ERC1: variants seen among roughly 807,000 people sequenced by gnomAD.
The protein encoded by ERC1 is RAB6 interacting protein 2.
ERC1 carries 56 observed loss-of-function variants against 132.0 expected under a neutral mutation model. That is an observed-to-expected ratio of 0.42 (90% CI 0.34 to 0.53). The LOEUF (loss-of-function observed/expected upper bound fraction) is 0.53, where lower values mean the gene tolerates loss of function less well. ERC1 is among the 20% of genes least tolerant of loss of function. The pLI is 0.03. For synonymous variants in ERC1, 478 were observed against 476.1 expected (o/e 1.00, Z -0.05); for missense variants, 1,202 against 1,349.9 (o/e 0.89, Z 1.72).
intron 1 of ERC1, among the ~76,000 whole-genome samples, chr12:992,188 G>T (rs755704867): frequency 2.1e-4 from 32 of 152,100 alleles, no homozygotes; most frequent in Non-Finnish European, 3.1e-4. Flanking sequence ...ATGCCTAAAA[G>T]ATCTCTTTAT....
At chr12:1,103,158 C>G (rs775127159) in intron 3 of ERC1, among the ~76,000 whole-genome samples, 3 of 152,192 alleles carry the variant, frequency 2.0e-5, no homozygotes, top group Non-Finnish European at 4.4e-5. Context: ...AAACCTAATA[C>G]TAACACAAAA....
chr12:1,400,916 A>ATTATTATTATTATTATTTTT (rs2090981093), intron 16 of ERC1, among the ~76,000 whole-genome samples: 1 of 15,040 alleles, frequency 6.6e-5, no homozygotes, highest in African/African-American at 3.1e-4. Flanking sequence ...CTATTTTTGT[A>ATTATTATTATTATTATTTTT]TTTTTTTTTT....
At chr12:1,268,968 G>A (rs929902662) in intron 14 of ERC1, among the ~76,000 whole-genome samples, 6 of 152,194 alleles carry the variant, frequency 3.9e-5, no homozygotes, top group Non-Finnish European at 5.9e-5. Context: ...GTACAGGTGT[G>A]CACAGTCAGA....
At chr12:1,278,078 G>A (rs960326872) in intron 14 of ERC1, among the ~76,000 whole-genome samples, 5 of 152,144 alleles carry the variant, frequency 3.3e-5, no homozygotes, top group Non-Finnish European at 4.4e-5. Flanking sequence ...CTGGAAATAC[G>A]TCATGTCTGC....
At position 1,203,592 on chromosome 12, in the gene ERC1, A is replaced by G. The variant is rs74557255; in HGVS notation, c.2351+13540A>G. ...ATAAATGGAAATGGTGCTTGCATTC[A>G]AGAAATAGATATTTTGTTTCAGATT... On this transcript the variant is annotated intron_variant, in intron 12 of 18. Transcript: ENST00000360905. 5.2e-3 allele frequency among the ~76,000 whole-genome samples: 792 copies of G among 152,362 alleles called. 11 individuals carry two copies. The highest frequency in any genetic ancestry group is 0.018 in the African/African-American group (746 of 41,600).
At chr12:1,310,502 C>T (rs902680450) in intron 15 of ERC1, among the ~76,000 whole-genome samples, 4 of 152,152 alleles carry the variant, frequency 2.6e-5, no homozygotes, top group East Asian at 1.9e-4. Context: ...AGCCACACCG[C>T]GCCTGGCCAT....
chr12:1,272,969 A>G (rs1267202897), intron 14 of ERC1, among the ~76,000 whole-genome samples: 1 of 151,676 alleles, frequency 6.6e-6, no homozygotes, highest in Non-Finnish European at 1.5e-5. Flanking sequence ...AAAAAAAAAA[A>G]AAACCTTGAG....
intron 1 of ERC1, among the ~76,000 whole-genome samples, chr12:995,094 T>TA (rs1565736087): frequency 2.8e-4 from 38 of 134,486 alleles, no homozygotes; most frequent in Admixed American, 3.0e-4. Flanking sequence ...AGACTCTGTC[T>TA]CAAAAAAAAA....
chr12:1,252,778 T>G (rs929218057), intron 13 of ERC1, among the ~76,000 whole-genome samples: 2 of 152,212 alleles, frequency 1.3e-5, no homozygotes, highest in African/African-American at 2.4e-5. Context: ...ATTCTGTCTC[T>G]GTGTTGTGCT....
chr12:1,014,054 A>G (rs1028157843), intron 1 of ERC1, among the ~76,000 whole-genome samples: 11 of 151,436 alleles, frequency 7.3e-5, no homozygotes, highest in Non-Finnish European at 1.2e-4. Flanking sequence ...TGCTACTTAC[A>G]GAGATATTAG....
intron 1 of ERC1, among the ~76,000 whole-genome samples, chr12:1,017,733 A>T (rs186448672): frequency 6.6e-6 from 1 of 152,202 alleles, no homozygotes; most frequent in East Asian, 1.9e-4. Flanking sequence ...TCCTGGTCTC[A>T]GGTGATCTGC....
chr12:1,172,999 G>C (rs1953248386), intron 8 of ERC1, among the ~76,000 whole-genome samples: 1 of 152,180 alleles, frequency 6.6e-6, no homozygotes, highest in South Asian at 2.1e-4. Flanking sequence ...CATCCATGAA[G>C]GATGTACTTT....
Position 1,315,539 on chromosome 12 carries a change from C to T in ERC1, c.2780+25527C>T, listed in dbSNP as rs188652869. ...CTAATTTTTGTATTTTTAGTAGAGA[C>T]GGGGTTTCACCATGTTGGCCAGGCT... On this transcript the variant is annotated intron_variant, in intron 15 of 18. Transcript: ENST00000360905. Among the ~76,000 whole-genome samples the T allele has an allele frequency of 4.1e-3, 627 of 151,538 alleles. 9 individuals carry two copies. Among genetic ancestry groups the T allele is most frequent in the African/African-American group, 0.013 (556 of 41,278 alleles).
intron 14 of ERC1, among the ~76,000 whole-genome samples, chr12:1,265,264 A>G (rs1469090700): frequency 6.6e-6 from 1 of 152,056 alleles, no homozygotes; most frequent in African/African-American, 2.4e-5. Context: ...CTCATTATTT[A>G]TTGACAAGTA....
intron 7 of ERC1, among the ~76,000 whole-genome samples, chr12:1,133,069 G>A (rs1430225272): frequency 6.6e-6 from 1 of 151,834 alleles, no homozygotes; most frequent in Non-Finnish European, 1.5e-5. Context: ...TGTTGGCCAG[G>A]CTGGTCTTGA....
chr12:1,130,274 G>C (rs1415871098), intron 7 of ERC1, among the ~76,000 whole-genome samples: 1 of 152,198 alleles, frequency 6.6e-6, no homozygotes, highest in Non-Finnish European at 1.5e-5. Flanking sequence ...CGAGACAGGA[G>C]GATCACTTGA....
intron 15 of ERC1, among the ~76,000 whole-genome samples, chr12:1,348,692 T>TAAAA (rs79204701): frequency 7.2e-6 from 1 of 139,064 alleles, no homozygotes; most frequent in African/African-American, 2.6e-5. Context: ...AGACTCCATC[T>TAAAA]AAAAAAAAAA....
chr12:1,401,474 C>A (rs10848471), intron 16 of ERC1, among the ~76,000 whole-genome samples: 29,931 of 151,964 alleles, frequency 0.2, 3,100 homozygotes, highest in Non-Finnish European at 0.22. Flanking sequence ...GGAAATTCTC[C>A]ATATAAAATA....
intron 18 of ERC1, among the ~76,000 whole-genome samples, chr12:1,469,876 C>T (rs74059552): frequency 3.1e-3 from 456 of 147,828 alleles, no homozygotes; most frequent in African/African-American, 0.011. Context: ...CACCCCCATC[C>T]TCCTCAATGC....
Sources: gnomAD v4.1 joint callset for allele counts (sites outside exome capture counted in the v4.1 genomes callset) on GRCh38, gnomAD v4.1.1 for gene constraint, MANE v1.5 for transcripts, NCBI Gene and HGNC (gene_info 2026-07-23, HGNC 2026-07-21) for gene names.